PHTF1: variants seen among roughly 807,000 people sequenced by gnomAD.
PHTF1 encodes putative homeodomain transcription factor 1.
A neutral mutation model predicts 102.4 loss-of-function variants in PHTF1; 88 were observed. The observed-to-expected ratio is 0.86, with a 90% CI of 0.72 to 1.03. PHTF1 has a LOEUF of 1.03. Ranked by LOEUF, PHTF1 falls within the 50% of genes least tolerant of loss-of-function variation. The pLI, the probability that PHTF1 is intolerant of heterozygous loss-of-function variation, is 0.00. For missense variants in PHTF1, 814 were observed against 909.5 expected, an observed-to-expected ratio of 0.89 and a Z score of 1.35; for synonymous variants, 289 against 305.2, an observed-to-expected ratio of 0.95 and a Z score of 0.55.
Position 113,738,186 on chromosome 1 carries a change from T to C in PHTF1, c.255A>G (p.Pro85=). 6.2e-7 allele frequency: 1 copy of C among 1,613,352 alleles called. No homozygotes were observed. Among genetic ancestry groups the C allele is most frequent in the Non-Finnish European group, 8.5e-7 (1 of 1,179,326 alleles). The change falls in exon 5 of 19, where the codon CCA becomes CCG. Residue 85 remains proline, a synonymous_variant. Transcript: ENST00000369604. ...CCTGAATCCACCAATTGCTGAACAA[T>C]GGAAAAAATACAACTCGAACAAGCC... ...RKGLVRVVFF[P]LFSNWWIQVT...
At chr1:113,752,080 A>T (rs1422653357) in intron 3 of PHTF1, among the ~76,000 whole-genome samples, 2 of 152,238 alleles carry the variant, frequency 1.3e-5, no homozygotes, top group African/African-American at 4.8e-5. Context: ...ATTACATTGA[A>T]TATATAGATA....
chr1:113,757,173 A>G (rs764602088), intron 3 of PHTF1, among the ~76,000 whole-genome samples: 4 of 151,994 alleles, frequency 2.6e-5, no homozygotes, highest in Non-Finnish European at 5.9e-5. Flanking sequence ...TCTCAAAAAC[A>G]AAACAAAACA....
Position 113,705,886 on chromosome 1 carries a change from T to C in PHTF1, c.1671+4A>G. ...TAAAAAATTTTCCTTATTTCTCCAC[T>C]GACCTGTTTATATGTTCTCTCTGCC... On this transcript the variant is annotated splice_donor_region_variant and intron_variant, in intron 13 of 18. Transcript: ENST00000369604. The C allele has an allele frequency of 6.2e-7, 1 of 1,609,638 alleles. No individual in the cohort carries two copies. The highest frequency in any genetic ancestry group is 8.5e-7 in the Non-Finnish European group (1 of 1,178,438).
intron 5 of PHTF1, among the ~76,000 whole-genome samples, chr1:113,735,029 G>C (rs1474780910): frequency 2.0e-5 from 3 of 152,026 alleles, no homozygotes; most frequent in Non-Finnish European, 4.4e-5. Flanking sequence ...GATTCATACA[G>C]AAAGGTTACG....
chr1:113,719,209 G>A (rs1418910039), intron 7 of PHTF1, among the ~76,000 whole-genome samples: 1 of 151,944 alleles, frequency 6.6e-6, no homozygotes, highest in Non-Finnish European at 1.5e-5. Context: ...CACCATGTTG[G>A]CCAGATTGGT....
chr1:113,753,313 T>G (rs1040626788), intron 3 of PHTF1, among the ~76,000 whole-genome samples: 11 of 152,250 alleles, frequency 7.2e-5, no homozygotes, highest in Admixed American at 1.3e-4. Flanking sequence ...TGAAAAAGTT[T>G]GTGTAGAATT....
chr1:113,729,689 T>C (rs904942077), intron 5 of PHTF1, among the ~76,000 whole-genome samples: 7 of 152,184 alleles, frequency 4.6e-5, no homozygotes, highest in Non-Finnish European at 1.5e-5. Context: ...TGATAGTTTA[T>C]GCTAACAAGG....
At chr1:113,708,897 A>C (rs960234822) in intron 11 of PHTF1, among the ~76,000 whole-genome samples, 1 of 152,196 alleles carries the variant, frequency 6.6e-6, no homozygotes, top group Non-Finnish European at 1.5e-5. Flanking sequence ...TGTAATTTAG[A>C]TGAATCTTCA....
chr1:113,727,098 A>C (rs1403312400), intron 5 of PHTF1, among the ~76,000 whole-genome samples: 3 of 152,144 alleles, frequency 2.0e-5, no homozygotes, highest in African/African-American at 7.2e-5. Flanking sequence ...ATGTTTAAAG[A>C]AGTAAATGAA....
At position 113,759,068 on chromosome 1, in the gene PHTF1, C is replaced by A; in HGVS notation, c.-76G>T. Reference sequence around the variant, plus strand: ...GGCCGGCGCCCGGGACCTCCGTCCTCAGTGCCCGGGGTCCCACCGTGAGGC... The same window carrying A: ...GGCCGGCGCCCGGGACCTCCGTCCTAAGTGCCCGGGGTCCCACCGTGAGGC... On this transcript the variant is annotated 5_prime_UTR_variant, in exon 1 of 19. The change abolishes the stop of an existing upstream ORF in the 5' untranslated region. Transcript: ENST00000369604. The A allele has an allele frequency of 1.0e-6, 1 of 1,000,858 alleles. No individual in the cohort carries two copies. Among genetic ancestry groups the A allele is most frequent in the Non-Finnish European group, 1.2e-6 (1 of 840,510 alleles). The allele number at this position is 1,000,858 out of a possible 1,614,324, so 62.0% of individuals were successfully genotyped here.
chr1:113,748,708 G>A (rs1657576151), intron 3 of PHTF1, among the ~76,000 whole-genome samples: 1 of 151,780 alleles, frequency 6.6e-6, no homozygotes, highest in Non-Finnish European at 1.5e-5. Context: ...TAATTTTTTT[G>A]TATTTTTTGT....
At chr1:113,720,158 C>A (rs919722683) in intron 7 of PHTF1, among the ~76,000 whole-genome samples, 1 of 152,070 alleles carries the variant, frequency 6.6e-6, no homozygotes. Flanking sequence ...AGTAGCTATA[C>A]TTATATTGGT....
intron 3 of PHTF1, among the ~76,000 whole-genome samples, chr1:113,742,587 C>T (rs1266002591): frequency 6.6e-6 from 1 of 151,934 alleles, no homozygotes; most frequent in Non-Finnish European, 1.5e-5. Flanking sequence ...CGCCATTGCA[C>T]TCCAGCCTAG....
intron 5 of PHTF1, among the ~76,000 whole-genome samples, chr1:113,737,641 A>T (rs1310490907): frequency 6.6e-6 from 1 of 152,136 alleles, no homozygotes; most frequent in African/African-American, 2.4e-5. Flanking sequence ...CTACAAAAAA[A>T]TACAAAAATT....
intron 5 of PHTF1, among the ~76,000 whole-genome samples, chr1:113,735,757 AT>A (rs1655395300): frequency 6.6e-6 from 1 of 152,294 alleles, no homozygotes; most frequent in African/African-American, 2.4e-5. Context: ...TTATACATAT[AT>A]TTTTCACTCT....
In PHTF1 at chr1:113,697,607, A is replaced by G. The variant is rs922069066; in HGVS notation, c.*98T>C. ...GAGCTGAGAGCACCTGTGCATGTGA[A>G]CAAGCAGGTGGGTATCTCACTGGTT... On this transcript the variant is annotated 3_prime_UTR_variant, in exon 19 of 19. Transcript: ENST00000369604. 62 of 834,846 alleles carry G rather than the reference A, an allele frequency of 7.4e-5. No individual in the cohort carries two copies. The highest frequency in any genetic ancestry group is 1.1e-4 in the Non-Finnish European group (52 of 489,188). The allele number at this position is 834,846 out of a possible 1,614,324, so 51.7% of individuals were successfully genotyped here.
chr1:113,749,947 G>A (rs1367417199), intron 3 of PHTF1, among the ~76,000 whole-genome samples: 1 of 152,042 alleles, frequency 6.6e-6, no homozygotes, highest in Admixed American at 6.6e-5. Flanking sequence ...AGAGGTTTCA[G>A]GAGAGATTAG....
At chr1:113,732,000 T>C (rs1654731925) in intron 5 of PHTF1, among the ~76,000 whole-genome samples, 1 of 152,096 alleles carries the variant, frequency 6.6e-6, no homozygotes, top group African/African-American at 2.4e-5. Context: ...TCAAATTTTC[T>C]GTCCATCCTC....
chr1:113,745,542 AC>A (rs1657097120), intron 3 of PHTF1, among the ~76,000 whole-genome samples: 1 of 152,188 alleles, frequency 6.6e-6, no homozygotes, highest in Non-Finnish European at 1.5e-5. Context: ...CCTGTTAGGA[AC>A]CAGGTTGCAC....
Sources: gnomAD v4.1 joint callset for allele counts (sites outside exome capture counted in the v4.1 genomes callset) on GRCh38, gnomAD v4.1.1 for gene constraint, MANE v1.5 for transcripts, NCBI Gene and HGNC (gene_info 2026-07-23, HGNC 2026-07-21) for gene names.